Variants in NIPSNAP2 observed in about 807,000 individuals in gnomAD.
NIPSNAP2 encodes the protein nipsnap homolog 2.
NIPSNAP2 carries 42 observed loss-of-function variants against 48.4 expected under a neutral mutation model. That is an observed-to-expected ratio of 0.87 (90% CI 0.68 to 1.12). The LOEUF is 1.12. NIPSNAP2 is among the 50% of genes most tolerant of loss of function. The pLI is 0.00. For missense variants in NIPSNAP2, 314 were observed against 347.3 expected (o/e 0.90, Z 0.76); for synonymous variants, 158 against 126.6 (o/e 1.25, Z -1.67).
At chr7:55,976,761 G>A (rs1327609139) in intron 1 of NIPSNAP2, among the ~76,000 whole-genome samples, 1 of 152,016 alleles carries the variant, frequency 6.6e-6, no homozygotes, top group East Asian at 1.9e-4. Context: ...GATGACGTAT[G>A]CCTCTAGTCC....
chr7:55,973,922 G>T (rs984954952), intron 1 of NIPSNAP2, among the ~76,000 whole-genome samples: 1 of 152,158 alleles, frequency 6.6e-6, no homozygotes, highest in Non-Finnish European at 1.5e-5. Context: ...TGTAATGTTT[G>T]TTCAAGAAAG....
At chr7:55,993,564 G>A (rs1347540361) in intron 7 of NIPSNAP2, among the ~76,000 whole-genome samples, 10 of 135,990 alleles carry the variant, frequency 7.4e-5, no homozygotes, top group African/African-American at 2.7e-4. Flanking sequence ...GGGCAACAGC[G>A]AGACTCCATC....
At chr7:55,977,363 C>T (rs1787125470) in intron 1 of NIPSNAP2, among the ~76,000 whole-genome samples, 1 of 152,066 alleles carries the variant, frequency 6.6e-6, no homozygotes, top group Non-Finnish European at 1.5e-5. Flanking sequence ...TGCACTCCAG[C>T]TTGGGCGATA....
intron 1 of NIPSNAP2, among the ~76,000 whole-genome samples, chr7:55,975,304 G>A (rs1787087396): frequency 6.6e-6 from 1 of 151,946 alleles, no homozygotes; most frequent in Admixed American, 6.6e-5. Context: ...AGTGAGCCGT[G>A]ATCACACCAG....
At chr7:55,990,299 G>C (rs1302840261) in intron 7 of NIPSNAP2, among the ~76,000 whole-genome samples, 1 of 150,600 alleles carries the variant, frequency 6.6e-6, no homozygotes, top group Non-Finnish European at 1.5e-5. Context: ...TGCGAACTCG[G>C]CTCACTGCAA....
At chr7:55,982,310 C>T in intron 5 of NIPSNAP2, 30 bp downstream of exon 5, 1 of 1,252,976 alleles carries the variant, frequency 8.0e-7, no homozygotes, top group East Asian at 2.4e-5. Context: ...TTTACTTAGA[C>T]TAATGATATA....
intron 7 of NIPSNAP2, among the ~76,000 whole-genome samples, chr7:55,987,978 TA>T (rs1256075951): frequency 6.6e-6 from 1 of 152,112 alleles, no homozygotes. Flanking sequence ...AAAATACGTT[TA>T]AAAAATGTTT....
At chr7:55,988,268 T>G (rs890178489) in intron 7 of NIPSNAP2, among the ~76,000 whole-genome samples, 12 of 152,124 alleles carry the variant, frequency 7.9e-5, no homozygotes, top group Admixed American at 7.9e-4. Context: ...AAAAAAAATT[T>G]TTTTTTAAAT....
At chr7:55,991,320 T>C (rs777189965) in intron 7 of NIPSNAP2, among the ~76,000 whole-genome samples, 1 of 152,188 alleles carries the variant, frequency 6.6e-6, no homozygotes, top group Non-Finnish European at 1.5e-5. Context: ...TTCTTTTGTT[T>C]TTGGACTATT....
chr7:55,969,754 T>C (rs372094939), intron 1 of NIPSNAP2, among the ~76,000 whole-genome samples: 142 of 152,056 alleles, frequency 9.3e-4, no homozygotes, highest in East Asian at 8.4e-3. Flanking sequence ...GAGGCCAAGG[T>C]GGGCGAATCA....
chr7:55,988,095 C>G (rs1347410807), intron 7 of NIPSNAP2, among the ~76,000 whole-genome samples: 1 of 151,946 alleles, frequency 6.6e-6, no homozygotes, highest in Non-Finnish European at 1.5e-5. Flanking sequence ...AACCCCATCT[C>G]TACAAAAAAT....
At chr7:55,984,386 G>A (rs964680881) in intron 6 of NIPSNAP2, among the ~76,000 whole-genome samples, 2 of 152,118 alleles carry the variant, frequency 1.3e-5, no homozygotes, top group Non-Finnish European at 2.9e-5. Flanking sequence ...AGACCAGCCT[G>A]AACAACATAG....
chr7:55,975,027 A>G (rs1787081449), intron 1 of NIPSNAP2, among the ~76,000 whole-genome samples: 1 of 151,948 alleles, frequency 6.6e-6, no homozygotes, highest in Non-Finnish European at 1.5e-5. Flanking sequence ...GATCTAGGAA[A>G]AGGCAGAAAA....
Position 55,964,597 on chromosome 7 carries a change from G to C in NIPSNAP2, c.-13G>C. The C allele has an allele frequency of 9.9e-7, 1 of 1,009,822 alleles. No individual in the cohort carries two copies. 62.6% of individuals were successfully genotyped at this position (1,009,822 alleles called of 1,614,324 possible). A position where few individuals can be genotyped will look rare whatever the true frequency, so the allele number is the denominator to read the frequency against. On this transcript the variant is annotated 5_prime_UTR_variant, in exon 1 of 10. Coordinates refer to ENST00000322090, the MANE Select transcript of NIPSNAP2 (RefSeq NM_001483.3). ...GCGGCGCCCGGGCGGTGGGAGCCGA[G>C]GCGCCGAGCAAGATGGCGGCGCGAG... is the stretch of plus-strand genomic sequence containing the variant.
At chr7:55,998,830 C>T (rs1362060295) in intron 9 of NIPSNAP2, among the ~76,000 whole-genome samples, 178 bp from the exon 10 acceptor site, 1 of 152,134 alleles carries the variant, frequency 6.6e-6, no homozygotes, top group Admixed American at 6.6e-5. Flanking sequence ...TGTAGGATGG[C>T]AGCTGATACA....
chr7:55,978,648 T>C, intron 3 of NIPSNAP2: 1 of 464,658 alleles, frequency 2.2e-6, no homozygotes, highest in South Asian at 2.8e-5. Flanking sequence ...TGGAGGAACT[T>C]TGCCAGGCTG....
intron 1 of NIPSNAP2, among the ~76,000 whole-genome samples, chr7:55,967,876 C>T (rs1423625008): frequency 2.0e-5 from 3 of 151,986 alleles, no homozygotes; most frequent in Non-Finnish European, 2.9e-5. Context: ...TCTCAAACTC[C>T]TGGCCTCAAG....
intron 5 of NIPSNAP2, among the ~76,000 whole-genome samples, chr7:55,983,418 C>T (rs1787261800): frequency 6.6e-6 from 1 of 152,198 alleles, no homozygotes; most frequent in Non-Finnish European, 1.5e-5. Context: ...CTGCATGCTA[C>T]TTCTATTGAT....
chr7:55,973,038 C>G (rs1257376283), intron 1 of NIPSNAP2, among the ~76,000 whole-genome samples: 1 of 151,588 alleles, frequency 6.6e-6, no homozygotes, highest in Admixed American at 6.6e-5. Context: ...CCCGGGAGGT[C>G]GAGGCTACAG....
Sources: gnomAD v4.1 joint callset for allele counts (sites outside exome capture counted in the v4.1 genomes callset) on GRCh38, gnomAD v4.1.1 for gene constraint, MANE v1.5 for transcripts, NCBI Gene and HGNC (gene_info 2026-07-23, HGNC 2026-07-21) for gene names.